The following C11orf16 variants were observed in gnomAD, a reference collection of about 807,000 sequenced individuals.
C11orf16 encodes uncharacterized protein C11orf16.
A neutral mutation model predicts 45.1 loss-of-function variants in C11orf16; 38 were observed. The observed-to-expected ratio is 0.84, with a 90% CI of 0.65 to 1.10. C11orf16 has a LOEUF of 1.10. C11orf16 is among the 50% of genes least tolerant of loss of function. The pLI is 0.00. For missense variants in C11orf16, 583 were observed against 569.5 expected, an observed-to-expected ratio of 1.02 and a Z score of -0.24; for synonymous variants, 221 against 222.0, an observed-to-expected ratio of 1.00 and a Z score of 0.04.
At chr11:8,920,549 C>T (rs2064564249) in intron 6 of C11orf16, 99 bp from the exon 7 acceptor site, 7 of 589,666 alleles carry the variant, frequency 1.2e-5, no homozygotes, top group Non-Finnish European at 1.8e-5. Flanking sequence ...TGGCCGAGTG[C>T]GGTGGCTCAT....
intron 2 of C11orf16, among the ~76,000 whole-genome samples, chr11:8,929,934 C>T (rs1045367604): frequency 7.3e-5 from 11 of 150,572 alleles, no homozygotes; most frequent in East Asian, 2.0e-4. Context: ...GCCTGGGCAA[C>T]ATGGTGAAAT....
chr11:8,927,885 C>T (rs886632446), intron 3 of C11orf16, among the ~76,000 whole-genome samples: 1 of 152,192 alleles, frequency 6.6e-6, no homozygotes, highest in African/African-American at 2.4e-5. Context: ...CATTTTAATT[C>T]ACATATTAGT....
chr11:8,922,294 G>C (rs769162891), intron 5 of C11orf16, among the ~76,000 whole-genome samples: 1 of 152,070 alleles, frequency 6.6e-6, no homozygotes, highest in African/African-American at 2.4e-5. Flanking sequence ...GATTGCTTGA[G>C]CCCAGGAGTT....
intron 5 of C11orf16, among the ~76,000 whole-genome samples, chr11:8,923,909 C>A (rs999344805): frequency 7.5e-6 from 1 of 133,046 alleles, no homozygotes; most frequent in Non-Finnish European, 1.6e-5. Context: ...CCAGCGAAAT[C>A]GCCACTTCTG....
chr11:8,925,311 C>T (rs753606993), intron 5 of C11orf16, 152 bp downstream of exon 5: 8 of 719,098 alleles, frequency 1.1e-5, no homozygotes, highest in African/African-American at 1.8e-5. Context: ...CCTCTTGCCA[C>T]AGCCTCCTCT....
intron 5 of C11orf16, among the ~76,000 whole-genome samples, chr11:8,922,812 T>G (rs1017417717): frequency 1.1e-4 from 17 of 152,190 alleles, no homozygotes; most frequent in Admixed American, 4.6e-4. Context: ...AAAGCAAAGC[T>G]CTGGTGTTTG....
chr11:8,925,354 G>A, intron 5 of C11orf16, 109 bp downstream of exon 5: 1 of 1,007,352 alleles, frequency 9.9e-7, no homozygotes, highest in Non-Finnish European at 1.5e-6. Flanking sequence ...GATTACTGCA[G>A]TCCCAACAGA....
intron 1 of C11orf16, 135 bp from the exon 2 acceptor site, chr11:8,932,461 C>G: frequency 3.3e-6 from 2 of 604,030 alleles, no homozygotes; most frequent in East Asian, 2.9e-5. Flanking sequence ...CCTGCTCCCA[C>G]AAACTCTCAC....
rs941891508 is a variant in C11orf16, at chr11:8,921,564, G to A, written c.1205-49C>T. 5 of 1,505,968 alleles carry A rather than the reference G, an allele frequency of 3.3e-6. No individual in the cohort carries two copies. In the African/African-American group the frequency reaches 6.9e-5, roughly 21 times the overall value. The allele number at this position is 1,505,968 out of a possible 1,614,324, so 93.3% of individuals were successfully genotyped here. ...AGGTTGAATATGCCACCATTTTGAT[G>A]GCATAAGTAGAACTAAAACAAGGAT... On this transcript the variant is annotated intron_variant, in intron 5 of 6. Transcript: ENST00000326053.
intron 1 of C11orf16, among the ~76,000 whole-genome samples, chr11:8,932,680 T>C (rs1268878205): frequency 2.0e-5 from 3 of 152,096 alleles, no homozygotes; most frequent in Non-Finnish European, 4.4e-5. Context: ...GCTCAACTTA[T>C]GTTAGTATTT....
At position 8,925,978 on chromosome 11, in the gene C11orf16, G is replaced by T. The variant is rs1008859896; in HGVS notation, c.689C>A (p.Thr230Asn). 2 of 1,614,064 alleles carry T rather than the reference G, an allele frequency of 1.2e-6. No homozygotes were observed. The highest frequency in any genetic ancestry group is 3.3e-5 in the Admixed American group (2 of 60,022). Reference sequence around the variant, plus strand: ...GTGAAGGGGCCTGGGGTGCTCCCTGGTGAAAGACTTGTGCAGCCTCTCCAC... The same window carrying T: ...GTGAAGGGGCCTGGGGTGCTCCCTGTTGAAAGACTTGTGCAGCCTCTCCAC... ...KAVERLHKSF[T>N]REHPRPLHWA... The change falls in exon 5 of 7, where the codon ACC becomes AAC. Residue 230 changes from threonine to asparagine, a missense_variant. Physicochemically the swap from Thr to Asn is moderately conservative, Grantham distance 65. Coordinates refer to ENST00000326053, the MANE Select transcript of C11orf16 (RefSeq NM_020643.3).
intron 2 of C11orf16, 25 bp downstream of exon 2, chr11:8,932,117 C>G (rs779404470): frequency 1.3e-6 from 2 of 1,537,962 alleles, no homozygotes; most frequent in Non-Finnish European, 1.7e-6. Context: ...GCATCCACTT[C>G]CCCCAGAGGG....
Position 8,920,245 on chromosome 11 carries a change from G to A in C11orf16, c.*228C>T, listed in dbSNP as rs1009395577. The A allele has an allele frequency of 9.8e-6, 4 of 407,842 alleles. No homozygotes were observed. The highest frequency in any genetic ancestry group is 8.2e-5 in the African/African-American group (4 of 48,518). The allele number at this position is 407,842 out of a possible 1,614,324, so 25.3% of individuals were successfully genotyped here. ...AGTTTCACCAGGGCCCTGGCAGGGA[G>A]CCCCAGGGCAGGATCCCACATTCCT... On this transcript the variant is annotated 3_prime_UTR_variant, in exon 7 of 7. Coordinates refer to ENST00000326053, the MANE Select transcript of C11orf16 (RefSeq NM_020643.3).
In C11orf16 at chr11:8,921,457, TTG is replaced by T. The variant is rs2064573185; in HGVS notation, c.1261_1262del (p.Gln421AsnfsTer28). The T allele has an allele frequency of 6.2e-7, 1 of 1,614,186 alleles. No homozygotes were observed. The highest frequency in any genetic ancestry group is 2.2e-5 in the East Asian group (1 of 44,888). On this transcript the variant is annotated frameshift_variant, in exon 6 of 7. Transcript: ENST00000326053. LOFTEE classifies it high-confidence loss of function. ...EEKDHKQQRA[Q>X]TAVVGTTKEL... Reference sequence around the variant, plus strand: ...CCTTGGTAGTCCCCACTACTGCAGTTTGTGCTCTCTGCTGTTTGTGATCCTTT... The same window carrying T: ...CCTTGGTAGTCCCCACTACTGCAGTTTGCTCTCTGCTGTTTGTGATCCTTT...
At chr11:8,926,185 C>CTTTTTTTTTTT (rs59858402) in intron 4 of C11orf16, 78 bp from the exon 5 acceptor site, 18 of 888,944 alleles carry the variant, frequency 2.0e-5, no homozygotes, top group African/African-American at 1.3e-4. Context: ...TTTTTCTTTT[C>CTTTTTTTTTTT]TTTTTTTTTT....
intron 5 of C11orf16, among the ~76,000 whole-genome samples, chr11:8,922,123 A>T (rs1310874455): frequency 6.6e-6 from 1 of 152,244 alleles, no homozygotes. Context: ...AAGGTAACTG[A>T]CTGCCACCAG....
Position 8,932,316 on chromosome 11 carries a change from A to G in C11orf16, c.-8T>C, listed in dbSNP as rs1235107723. 8 of 1,590,254 alleles carry G rather than the reference A, an allele frequency of 5.0e-6. No individual in the cohort carries two copies. Among genetic ancestry groups the G allele is most frequent in the Non-Finnish European group, 6.8e-6 (8 of 1,169,290 alleles). ...CCCCGTGGAGGATTCCATGGCCTTC[A>G]GAGGATCCACCTGAGAATAGGCACC... On this transcript the variant is annotated 5_prime_UTR_variant, in exon 2 of 7. Coordinates refer to ENST00000326053, the MANE Select transcript of C11orf16 (RefSeq NM_020643.3).
intron 5 of C11orf16, 90 bp downstream of exon 5, chr11:8,925,373 G>T (rs995776906): frequency 5.2e-6 from 6 of 1,163,080 alleles, no homozygotes; most frequent in Non-Finnish European, 7.3e-6. Flanking sequence ...GAGTGGACAC[G>T]TGCATCAAAT....
At chr11:8,926,160 T>C in intron 4 of C11orf16, 53 bp from the exon 5 acceptor site, 2 of 1,416,732 alleles carry the variant, frequency 1.4e-6, no homozygotes, top group South Asian at 2.9e-5. Context: ...TATCTCCTTT[T>C]TTTTCTTTTT....
Sources: allele counts gnomAD v4.1 joint callset (sites outside exome capture counted in the v4.1 genomes callset), GRCh38; gene constraint gnomAD v4.1.1; transcripts MANE v1.5; gene names NCBI Gene and HGNC (gene_info 2026-07-23, HGNC 2026-07-21).